ADAMTS12: variants seen among roughly 807,000 people sequenced by gnomAD.
The protein encoded by ADAMTS12 is A disintegrin and metalloproteinase with thrombospondin motifs 12.
A neutral mutation model predicts 167.8 loss-of-function variants in ADAMTS12; 118 were observed. The ratio of observed to expected loss-of-function variants is 0.70; its 90% CI spans 0.61 to 0.82. The LOEUF (loss-of-function observed/expected upper bound fraction) is 0.82. Among genes scored for constraint, ADAMTS12 ranks in the 40% least tolerant of loss-of-function variants. The pLI is 0.00. For missense variants in ADAMTS12, 1,916 were observed against 1,998.8 expected (o/e 0.96, Z 0.79); for synonymous variants, 704 against 716.9 (o/e 0.98, Z 0.29).
In ADAMTS12 at chr5:33,562,419, T is replaced by C. The variant is rs561692891; in HGVS notation, c.3973-1240A>G. Among the ~76,000 whole-genome samples, 5 of 152,238 alleles carry C rather than the reference T, an allele frequency of 3.3e-5. No homozygotes were observed. In the East Asian group the frequency reaches 5.8e-4, roughly 18 times the overall value. ...CAAAATTTGTTCCCTTTTGTGTGCC[T>C]GATTCTTTCCTGTAACTGATTTTTC... is the stretch of plus-strand genomic sequence containing the variant. On this transcript the variant is annotated intron_variant, in intron 19 of 23. Coordinates refer to ENST00000504830, the MANE Select transcript of ADAMTS12 (RefSeq NM_030955.4).
chr5:33,646,089 A>G (rs1740652643), intron 9 of ADAMTS12, among the ~76,000 whole-genome samples: 1 of 152,168 alleles, frequency 6.6e-6, no homozygotes, highest in African/African-American at 2.4e-5. Context: ...GCACTTTCAG[A>G]GAATGGAGGC....
chr5:33,574,469 T>A (rs1374962277), intron 19 of ADAMTS12, among the ~76,000 whole-genome samples: 1 of 152,024 alleles, frequency 6.6e-6, no homozygotes, highest in Non-Finnish European at 1.5e-5. Flanking sequence ...AAATTGGAAA[T>A]CATCATTATC....
chr5:33,841,392 T>C (rs1268417481), intron 2 of ADAMTS12, among the ~76,000 whole-genome samples: 3 of 152,230 alleles, frequency 2.0e-5, no homozygotes. Flanking sequence ...CCAACCATCC[T>C]GTCTCTGGTT....
chr5:33,674,688 G>A (rs191915527), intron 5 of ADAMTS12, among the ~76,000 whole-genome samples: 1 of 152,250 alleles, frequency 6.6e-6, no homozygotes, highest in East Asian at 1.9e-4. Flanking sequence ...GGACAAGAGG[G>A]ACAGGTACAG....
chr5:33,789,036 C>T (rs1386091454), intron 2 of ADAMTS12, among the ~76,000 whole-genome samples: 1 of 152,164 alleles, frequency 6.6e-6, no homozygotes, highest in African/African-American at 2.4e-5. Context: ...GAAATCTGAA[C>T]CACATCCACA....
At position 33,561,148 on chromosome 5, in the gene ADAMTS12, C is replaced by T. The variant is rs1745731942; in HGVS notation, c.4004G>A (p.Trp1335Ter). ...CSTTCGLGAY[W>*]RRVECSTQMD... ...CTGGGTGCTGCACTCCACCCTTCTC[C>T]AGTAGGCCCCCAGGCCACATGTGGT... Residue 1335 changes from tryptophan (W) to a stop codon, truncating the protein, a stop_gained, in exon 20 of 24, where the codon TGG (tryptophan) becomes TAG (stop). Transcript: ENST00000504830. LOFTEE classifies it high-confidence loss of function. 1 of 1,614,134 alleles carries T rather than the reference C, an allele frequency of 6.2e-7. No homozygotes were observed. Among genetic ancestry groups the T allele is most frequent in the East Asian group, 2.2e-5 (1 of 44,860 alleles).
chr5:33,718,466 C>A (rs1415774470), intron 3 of ADAMTS12, among the ~76,000 whole-genome samples: 1 of 152,154 alleles, frequency 6.6e-6, no homozygotes, highest in Non-Finnish European at 1.5e-5. Flanking sequence ...CCCTATTCTG[C>A]ACTGTATATC....
chr5:33,850,148 C>T (rs1291504997), intron 2 of ADAMTS12, among the ~76,000 whole-genome samples: 2 of 152,140 alleles, frequency 1.3e-5, no homozygotes, highest in Non-Finnish European at 2.9e-5. Context: ...GATCTCACCA[C>T]CAGACTGTGA....
At chr5:33,839,148 G>A (rs1046017350) in intron 2 of ADAMTS12, among the ~76,000 whole-genome samples, 6 of 152,156 alleles carry the variant, frequency 3.9e-5, no homozygotes, top group African/African-American at 1.4e-4. Flanking sequence ...GCTGAGGGTA[G>A]GCTCCTTTAA....
rs144177682 is a variant in ADAMTS12, at chr5:33,585,658, G to C, written c.2865+2941C>G. Among the ~76,000 whole-genome samples the C allele has an allele frequency of 8.7e-4, 133 of 152,320 alleles. 1 individual carries two copies. Among genetic ancestry groups the C allele is most frequent in the African/African-American group, 3.0e-3 (126 of 41,578 alleles). On this transcript the variant is annotated intron_variant, in intron 18 of 23. Transcript: ENST00000504830. ...TGATACCTGGTCTCTGTTTACAATA[G>C]AGTTCCCTTCTTTACCCTTTAAGTC...
intron 2 of ADAMTS12, among the ~76,000 whole-genome samples, chr5:33,754,636 A>G (rs995218635): frequency 6.6e-6 from 1 of 152,212 alleles, no homozygotes; most frequent in East Asian, 1.9e-4. Flanking sequence ...CAAGGTCAGG[A>G]GTTCGAGACC....
At chr5:33,757,592 T>C (rs1745209907) in intron 2 of ADAMTS12, among the ~76,000 whole-genome samples, 2 of 152,094 alleles carry the variant, frequency 1.3e-5, no homozygotes, top group South Asian at 4.1e-4. Flanking sequence ...CAAGACCACA[T>C]CCACTGGCTG....
chr5:33,681,448 A>G (rs1184766315), intron 5 of ADAMTS12, among the ~76,000 whole-genome samples: 1 of 152,190 alleles, frequency 6.6e-6, no homozygotes, highest in Non-Finnish European at 1.5e-5. Context: ...TGGTCCTACC[A>G]TTCATTACAT....
intron 1 of ADAMTS12, among the ~76,000 whole-genome samples, chr5:33,881,841 T>G (rs935238044): frequency 6.6e-6 from 1 of 151,524 alleles, no homozygotes; most frequent in Non-Finnish European, 1.5e-5. Context: ...TCCAAAGTGC[T>G]AGAATTACAG....
intron 3 of ADAMTS12, among the ~76,000 whole-genome samples, chr5:33,729,957 T>C (rs957269003): frequency 5.9e-5 from 9 of 152,216 alleles, no homozygotes; most frequent in African/African-American, 9.6e-5. Flanking sequence ...TTTCCAAATA[T>C]AGTAATGATT....
chr5:33,785,758 A>T (rs1243034630), intron 2 of ADAMTS12, among the ~76,000 whole-genome samples: 3 of 152,240 alleles, frequency 2.0e-5, no homozygotes, highest in African/African-American at 7.2e-5. Flanking sequence ...CCAGTTGGGC[A>T]GCTTCTCAAA....
chr5:33,592,688 C>T (rs2112022579), intron 17 of ADAMTS12, among the ~76,000 whole-genome samples: 1 of 151,880 alleles, frequency 6.6e-6, no homozygotes, highest in South Asian at 2.1e-4. Context: ...TTTATTAAAT[C>T]TTAAAAAAAT....
At chr5:33,580,958 C>T (rs759444215) in intron 18 of ADAMTS12, among the ~76,000 whole-genome samples, 25 of 152,306 alleles carry the variant, frequency 1.6e-4, no homozygotes, top group Non-Finnish European at 2.8e-4. Flanking sequence ...GACATCGAAT[C>T]TTCCAAATAA....
At chr5:33,607,629 T>A (rs373805962) in intron 16 of ADAMTS12, among the ~76,000 whole-genome samples, 1 of 152,248 alleles carries the variant, frequency 6.6e-6, no homozygotes, top group Non-Finnish European at 1.5e-5. Flanking sequence ...ATATTGATGA[T>A]TCCTTTCCAT....
Sources: gnomAD v4.1 joint callset for allele counts (sites outside exome capture counted in the v4.1 genomes callset) on GRCh38, gnomAD v4.1.1 for gene constraint, MANE v1.5 for transcripts, NCBI Gene and HGNC (gene_info 2026-07-23, HGNC 2026-07-21) for gene names.